APC: variants seen among roughly 807,000 people sequenced by gnomAD.
APC encodes APC regulator of Wnt signaling pathway.
A neutral mutation model predicts 247.0 loss-of-function variants in APC; 72 were observed. The ratio of observed to expected loss-of-function variants is 0.29; its 90% CI spans 0.24 to 0.35. APC has a LOEUF of 0.35. Among genes scored for constraint, APC ranks in the 10% least tolerant of loss-of-function variants. The pLI, the probability that APC is intolerant of heterozygous loss-of-function variation, is 1.00. For missense variants in APC, 3,400 were observed against 3,360.7 expected, an observed-to-expected ratio of 1.01 and a Z score of -0.29; for synonymous variants, 1,254 against 1,162.5, an observed-to-expected ratio of 1.08 and a Z score of -1.60.
chr5:112,780,294 T>C (rs975833133), intron 5 of APC, among the ~76,000 whole-genome samples: 15 of 152,186 alleles, frequency 9.9e-5, no homozygotes, highest in African/African-American at 3.6e-4. Context: ...TTGTCCCATA[T>C]TCCTCATTTG....
At chr5:112,819,452 A>G in intron 10 of APC, 108 bp downstream of exon 10, 1 of 1,395,592 alleles carries the variant, frequency 7.2e-7, no homozygotes, top group Non-Finnish European at 1.0e-6. Flanking sequence ...TAAGAGGAGA[A>G]AATTCATATC....
intron 10 of APC, among the ~76,000 whole-genome samples, chr5:112,820,157 A>G (rs1762971816): frequency 6.6e-6 from 1 of 151,098 alleles, no homozygotes. Flanking sequence ...GTAAGGTAAG[A>G]CCTTCCTTTC....
chr5:112,749,911 G>GTT (rs1292101589), intron 1 of APC, among the ~76,000 whole-genome samples: 1 of 110,764 alleles, frequency 9.0e-6, no homozygotes, highest in African/African-American at 3.7e-5. Context: ...ATACTTAGTT[G>GTT]TTTTTTTTTT....
chr5:112,828,737 C>A, intron 13 of APC, 119 bp from the exon 14 acceptor site: 1 of 733,168 alleles, frequency 1.4e-6, no homozygotes, highest in South Asian at 1.6e-5. Context: ...GCGTGAGTCA[C>A]CACGGCTAGC....
In APC at chr5:112,839,108, C is replaced by A. The variant is rs2149893492; in HGVS notation, c.3514C>A (p.His1172Asn). ...YSIKYNEEKR[H>N]VDQPIDYSLK... ...CATAAAATATAATGAAGAGAAACGT[C>A]ATGTGGATCAGCCTATTGATTATAG... The change falls in exon 16 of 16, where the codon CAT (histidine) becomes AAT (asparagine). Residue 1172 changes from histidine to asparagine, a missense_variant. Coordinates refer to ENST00000257430, the MANE Select transcript of APC (RefSeq NM_000038.6). The surrounding 1 kb of genome is among the most constrained non-coding windows in gnomAD (Gnocchi z 5.0). 6.2e-7 allele frequency: 1 copy of A among 1,614,066 alleles called. No homozygotes were observed. Among genetic ancestry groups the A allele is most frequent in the South Asian group, 1.1e-5 (1 of 91,072 alleles).
At chr5:112,827,377 C>A in intron 12 of APC, 130 bp downstream of exon 12, 1 of 1,056,818 alleles carries the variant, frequency 9.5e-7, no homozygotes, top group Non-Finnish European at 1.4e-6. Flanking sequence ...AAAACCTGTG[C>A]TTCACATTCG....
At chr5:112,716,306 T>A (rs528278491) in intron 1 of APC, among the ~76,000 whole-genome samples, 1 of 152,336 alleles carries the variant, frequency 6.6e-6, no homozygotes, top group Non-Finnish European at 1.5e-5. Context: ...TAAGATGTTT[T>A]CAGATTTCTG....
chr5:112,775,349 A>G (rs1247628463), intron 4 of APC, among the ~76,000 whole-genome samples: 3 of 152,116 alleles, frequency 2.0e-5, no homozygotes, highest in Non-Finnish European at 4.4e-5. Context: ...ATATTCTTAG[A>G]CTATAAATAT....
chr5:112,841,576 C>G lies in APC; in HGVS notation c.5982C>G (p.Asp1994Glu), dbSNP rs372852823. 25 of 1,613,774 alleles carry G rather than the reference C, an allele frequency of 1.5e-5. No homozygotes were observed. The highest frequency in any genetic ancestry group is 2.1e-5 in the Non-Finnish European group (25 of 1,179,806). The change falls in exon 16 of 16, where the codon GAC becomes GAG. Residue 1994 changes from aspartate (D) to glutamate (E), a missense_variant. Asp to Glu is a conservative substitution (Grantham distance 45, BLOSUM62 2). Coordinates refer to ENST00000257430, the MANE Select transcript of APC (RefSeq NM_000038.6). The surrounding 1 kb of genome is among the most constrained non-coding windows in gnomAD (Gnocchi z 4.6). ...CTATCAAAGAGACTGAGCCCCCTGA[C>G]TCACAGGGAGAACCAAGTAAACCTC... ...NEPIKETEPP[D>E]SQGEPSKPQA... is the part of the protein sequence containing the mutation.
intron 7 of APC, among the ~76,000 whole-genome samples, chr5:112,796,787 GT>G (rs1185148722): frequency 2.6e-5 from 4 of 151,926 alleles, no homozygotes; most frequent in Admixed American, 2.6e-4. Context: ...AATAGGCAGT[GT>G]TTTGTTTTTA....
chr5:112,834,724 C>T (rs540666795), intron 14 of APC, among the ~76,000 whole-genome samples: 1 of 152,222 alleles, frequency 6.6e-6, no homozygotes, highest in East Asian at 1.9e-4. Flanking sequence ...TTATAAAAGT[C>T]ATTAGTTAAA....
intron 6 of APC, among the ~76,000 whole-genome samples, chr5:112,789,667 C>T (rs1439026010): frequency 6.6e-6 from 1 of 152,062 alleles, no homozygotes; most frequent in East Asian, 1.9e-4. Flanking sequence ...AGGAAACAAT[C>T]AAATTTAGAA....
At chr5:112,834,224 C>T (rs990144533) in intron 14 of APC, among the ~76,000 whole-genome samples, 1 of 149,942 alleles carries the variant, frequency 6.7e-6, no homozygotes, top group South Asian at 2.1e-4. Flanking sequence ...CAGGCATGAG[C>T]CACCACGTTG....
At chr5:112,731,091 G>A (rs184362357) in intron 1 of APC, among the ~76,000 whole-genome samples, 5 of 151,198 alleles carry the variant, frequency 3.3e-5, no homozygotes, top group South Asian at 2.1e-4. Context: ...ATTTTACAAC[G>A]TAATTTTAAT....
intron 14 of APC, among the ~76,000 whole-genome samples, chr5:112,831,412 GAAAA>G (rs952881560): frequency 2.5e-4 from 38 of 152,274 alleles, no homozygotes; most frequent in African/African-American, 8.7e-4. Flanking sequence ...GTCAATCTTG[GAAAA>G]ACTAGCTGTC....
At chr5:112,746,612 C>G (rs961889201) in intron 1 of APC, among the ~76,000 whole-genome samples, 17 of 152,006 alleles carry the variant, frequency 1.1e-4, no homozygotes, top group African/African-American at 4.1e-4. Flanking sequence ...TATGATTATA[C>G]AAAAAAGTGC....
intron 1 of APC, among the ~76,000 whole-genome samples, chr5:112,747,592 A>G (rs1462080217): frequency 6.6e-6 from 1 of 152,212 alleles, no homozygotes; most frequent in African/African-American, 2.4e-5. Flanking sequence ...AATCTCCCAA[A>G]TTTATCACCT....
At chr5:112,831,208 A>G (rs1764265696) in intron 14 of APC, among the ~76,000 whole-genome samples, 1 of 152,102 alleles carries the variant, frequency 6.6e-6, no homozygotes, top group South Asian at 2.1e-4. Context: ...TCCCTGGTTC[A>G]AGCGATTATC....
At chr5:112,755,515 C>T (rs569478649) in intron 2 of APC, among the ~76,000 whole-genome samples, 1 of 152,320 alleles carries the variant, frequency 6.6e-6, no homozygotes, top group South Asian at 2.1e-4. Context: ...GGCTTTCCCA[C>T]AAACTGAGCT....
Sources: allele counts gnomAD v4.1 joint callset (sites outside exome capture counted in the v4.1 genomes callset), GRCh38; gene constraint gnomAD v4.1.1; non-coding constraint Gnocchi (gnomAD v3.1); transcripts MANE v1.5; gene names NCBI Gene and HGNC (gene_info 2026-07-23, HGNC 2026-07-21).